Variants in GRID2 observed in about 807,000 individuals in gnomAD.
The protein encoded by GRID2 is glutamate receptor ionotropic, delta-2.
GRID2 carries 33 observed loss-of-function variants against 114.8 expected under a neutral mutation model. The observed-to-expected ratio is 0.29, with a 90% confidence interval of 0.22 to 0.38. The LOEUF (loss-of-function observed/expected upper bound fraction) is 0.38. GRID2 is among the 10% of genes least tolerant of loss of function. The pLI is 1.00. For synonymous variants in GRID2, 505 were observed against 449.9 expected (o/e 1.12, Z -1.55); for missense variants, 1,184 against 1,257.7 (o/e 0.94, Z 0.89).
chr4:93,467,913 C>G (rs1462245763), intron 11 of GRID2, among the ~76,000 whole-genome samples: 2 of 152,174 alleles, frequency 1.3e-5, no homozygotes, highest in African/African-American at 4.8e-5. Context: ...TTAAACTTGT[C>G]ATACCTGCAT....
rs1185194828 is a variant in GRID2, at chr4:93,518,001, ATATG to A, written c.2193+2598_2193+2601del. On this transcript the variant is annotated intron_variant, in intron 13 of 15. Transcript: ENST00000282020. ...TACATGTATGTATATACATACATGT[ATATG>A]TATGTATATACATACATGTACATGT... Among the ~76,000 whole-genome samples the A allele has an allele frequency of 6.3e-3, 130 of 20,496 alleles. 2 individuals carry two copies. The highest frequency in any genetic ancestry group is 0.013 in the Non-Finnish European group (98 of 7,710). 13.4% of individuals were successfully genotyped at this position (20,496 alleles called of 152,430 possible).
At chr4:92,738,903 A>G (rs1736731352) in intron 2 of GRID2, among the ~76,000 whole-genome samples, 2 of 152,152 alleles carry the variant, frequency 1.3e-5, no homozygotes, top group South Asian at 4.1e-4. Context: ...CCTGGCTCTA[A>G]GCAGTTCTCC....
At chr4:93,129,004 G>A (rs569712448) in intron 4 of GRID2, among the ~76,000 whole-genome samples, 2 of 152,082 alleles carry the variant, frequency 1.3e-5, no homozygotes, top group African/African-American at 2.4e-5. Context: ...TGCCATGAAA[G>A]CAAACTAAAG....
intron 1 of GRID2, among the ~76,000 whole-genome samples, chr4:92,521,630 A>AT (rs1045655116): frequency 2.0e-5 from 3 of 151,994 alleles, no homozygotes; most frequent in African/African-American, 4.8e-5. Context: ...ATTTAGGCAA[A>AT]TTTTTCCTGG....
chr4:93,399,561 G>C (rs1765678136), intron 9 of GRID2, among the ~76,000 whole-genome samples: 1 of 152,040 alleles, frequency 6.6e-6, no homozygotes, highest in Admixed American at 6.6e-5. Context: ...AACCTACCTA[G>C]ATGACTTACA....
chr4:92,977,239 G>A (rs1032641887), intron 2 of GRID2, among the ~76,000 whole-genome samples: 17 of 152,122 alleles, frequency 1.1e-4, no homozygotes, highest in Non-Finnish European at 2.5e-4. Flanking sequence ...TGGTGATGCA[G>A]ACCTACTGAA....
intron 9 of GRID2, among the ~76,000 whole-genome samples, chr4:93,396,661 C>A (rs973975192): frequency 1.4e-4 from 22 of 151,922 alleles, no homozygotes; most frequent in African/African-American, 5.1e-4. Context: ...CTACTGTATA[C>A]CTGGGAAAGA....
At chr4:92,437,314 C>T (rs1166639136) in intron 1 of GRID2, among the ~76,000 whole-genome samples, 1 of 152,214 alleles carries the variant, frequency 6.6e-6, no homozygotes, top group Non-Finnish European at 1.5e-5. Context: ...GATTCTCGCC[C>T]TGTAGCCCAG....
intron 1 of GRID2, among the ~76,000 whole-genome samples, chr4:92,390,745 A>C (rs562516429): frequency 6.6e-6 from 1 of 152,306 alleles, no homozygotes; most frequent in East Asian, 1.9e-4. Context: ...TTTACTCAAC[A>C]TAAGAAAAAC....
chr4:93,003,941 C>A (rs1448269434), intron 2 of GRID2, among the ~76,000 whole-genome samples: 1 of 151,790 alleles, frequency 6.6e-6, no homozygotes, highest in African/African-American at 2.4e-5. Context: ...AAAATAAAAG[C>A]CAAACCAAAA....
intron 1 of GRID2, among the ~76,000 whole-genome samples, chr4:92,580,133 G>A (rs974842624): frequency 2.7e-5 from 4 of 150,610 alleles, no homozygotes; most frequent in Non-Finnish European, 5.9e-5. Context: ...CCGTCCTTCT[G>A]AGGGAAACTC....
intron 8 of GRID2, among the ~76,000 whole-genome samples, chr4:93,395,339 G>T (rs1029434845): frequency 2.6e-5 from 4 of 151,908 alleles, no homozygotes; most frequent in South Asian, 4.1e-4. Flanking sequence ...CTGAGTGATT[G>T]GTGTATACAT....
intron 14 of GRID2, among the ~76,000 whole-genome samples, chr4:93,720,660 A>C (rs1729286308): frequency 6.6e-6 from 1 of 152,188 alleles, no homozygotes; most frequent in Admixed American, 6.5e-5. Flanking sequence ...ACCTTCTTTC[A>C]GGTTATTGGT....
At chr4:92,454,593 T>G (rs1721109591) in intron 1 of GRID2, among the ~76,000 whole-genome samples, 1 of 152,128 alleles carries the variant, frequency 6.6e-6, no homozygotes, top group South Asian at 2.1e-4. Flanking sequence ...TCCCAGCACT[T>G]TGGGAGGCCG....
At chr4:92,614,858 G>A (rs908144022) in intron 2 of GRID2, among the ~76,000 whole-genome samples, 2 of 150,248 alleles carry the variant, frequency 1.3e-5, no homozygotes, top group Non-Finnish European at 3.0e-5. Flanking sequence ...GATTTGCCTC[G>A]CATATTTAGG....
intron 8 of GRID2, among the ~76,000 whole-genome samples, chr4:93,324,273 G>T (rs1001239327): frequency 1.3e-5 from 2 of 152,000 alleles, no homozygotes; most frequent in African/African-American, 4.8e-5. Flanking sequence ...CTTGAATTTT[G>T]TTGAAGGCCT....
At chr4:93,700,982 T>C (rs1727459319) in intron 14 of GRID2, among the ~76,000 whole-genome samples, 1 of 152,110 alleles carries the variant, frequency 6.6e-6, no homozygotes, top group Non-Finnish European at 1.5e-5. Context: ...CCACTGAATA[T>C]GAAGGTGTCA....
intron 2 of GRID2, among the ~76,000 whole-genome samples, chr4:92,670,047 T>A (rs1732981955): frequency 6.6e-6 from 1 of 152,010 alleles, no homozygotes; most frequent in Non-Finnish European, 1.5e-5. Context: ...TGCAAAAGTG[T>A]TTTCTTCATT....
intron 2 of GRID2, among the ~76,000 whole-genome samples, chr4:92,796,620 C>T (rs1739888847): frequency 6.6e-6 from 1 of 151,828 alleles, no homozygotes; most frequent in Admixed American, 6.6e-5. Flanking sequence ...GAGTAGGGCA[C>T]TTTTGTCTGC....
Sources: allele counts gnomAD v4.1 joint callset (sites outside exome capture counted in the v4.1 genomes callset), GRCh38; gene constraint gnomAD v4.1.1; transcripts MANE v1.5; gene names NCBI Gene and HGNC (gene_info 2026-07-23, HGNC 2026-07-21).